The following NAV3 variants were observed in gnomAD, a reference collection of about 807,000 sequenced individuals.
The protein encoded by NAV3 is pore membrane and/or filament interacting like protein 1.
A neutral mutation model predicts 244.7 loss-of-function variants in NAV3; 87 were observed. The ratio of observed to expected loss-of-function variants is 0.36; its 90% CI spans 0.30 to 0.42. The LOEUF (loss-of-function observed/expected upper bound fraction) is 0.42. Among genes scored for constraint, NAV3 ranks in the 20% least tolerant of loss-of-function variants. The pLI, the probability that NAV3 is intolerant of heterozygous loss-of-function variation, is 1.00. For missense variants in NAV3, 2,663 were observed against 2,893.3 expected (o/e 0.92, Z 1.83); for synonymous variants, 1,126 against 1,042.2 (o/e 1.08, Z -1.55).
At chr12:77,941,200 A>G in intron 3 of NAV3, 67 bp downstream of exon 3, 1 of 992,404 alleles carries the variant, frequency 1.0e-6, no homozygotes, top group South Asian at 1.5e-5. Flanking sequence ...TGCATTTGTA[A>G]ATGGATATTA....
intron 2 of NAV3, among the ~76,000 whole-genome samples, chr12:77,749,613 C>CT: frequency 6.6e-6 from 1 of 151,932 alleles, no homozygotes; most frequent in East Asian, 1.9e-4. Context: ...TTCAGCTAGG[C>CT]TTTTTTTAAT....
intron 2 of NAV3, among the ~76,000 whole-genome samples, chr12:77,657,521 C>T (rs1873179902): frequency 6.6e-6 from 1 of 152,128 alleles, no homozygotes; most frequent in Non-Finnish European, 1.5e-5. Flanking sequence ...CGAATTCTAC[C>T]AGAGGTACAA....
intron 16 of NAV3, 139 bp from the exon 17 acceptor site, chr12:78,127,028 G>T: frequency 1.5e-6 from 1 of 657,034 alleles, no homozygotes; most frequent in Non-Finnish European, 2.6e-6. Context: ...CCTTTAGTTG[G>T]CCTTTTTCAA....
At chr12:77,772,261 A>G (rs1278443482) in intron 2 of NAV3, among the ~76,000 whole-genome samples, 2 of 152,162 alleles carry the variant, frequency 1.3e-5, no homozygotes, top group East Asian at 3.9e-4. Context: ...CATATCAAGA[A>G]CTTTGCATGC....
At chr12:77,749,302 C>T (rs1002515050) in intron 2 of NAV3, among the ~76,000 whole-genome samples, 9 of 152,116 alleles carry the variant, frequency 5.9e-5, no homozygotes, top group Admixed American at 3.3e-4. Flanking sequence ...GATTCTGTTA[C>T]GTTGAGATAT....
chr12:77,642,138 A>G (rs1872442182), intron 2 of NAV3, among the ~76,000 whole-genome samples: 1 of 152,092 alleles, frequency 6.6e-6, no homozygotes, highest in South Asian at 2.1e-4. Context: ...AGATTGGTCA[A>G]CAGTACCTGA....
At chr12:77,928,279 A>G (rs766393117) in intron 1 of NAV3, among the ~76,000 whole-genome samples, 1 of 151,428 alleles carries the variant, frequency 6.6e-6, no homozygotes, top group Non-Finnish European at 1.5e-5. Flanking sequence ...CTCAGTTTCC[A>G]AAGTATTCAG....
chr12:77,755,150 A>G lies in NAV3; in HGVS notation c.72+182884A>G, dbSNP rs1205558090. On this transcript the variant is annotated intron_variant, in intron 2 of 8. Transcript: ENST00000550042. ...TGAATCTCACCATCTTCATATTTCT[A>G]GTCTTTTCATTTGTTCCTGAAACCA... Among the ~76,000 whole-genome samples the G allele has an allele frequency of 4.6e-5, 7 of 152,186 alleles. No homozygotes were observed. In the East Asian group the frequency reaches 1.2e-3, roughly 25 times the overall value.
At chr12:77,648,459 A>G (rs1872693679) in intron 2 of NAV3, among the ~76,000 whole-genome samples, 1 of 152,122 alleles carries the variant, frequency 6.6e-6, no homozygotes. Context: ...ATATCTCTCA[A>G]ATTACAGAGT....
chr12:78,116,828 G>T lies in NAV3; in HGVS notation c.2693G>T (p.Ser898Ile), dbSNP rs1955404301. Residue 898 changes from serine (S) to isoleucine (I), a missense_variant, in exon 13 of 40, where the codon AGC becomes ATC. Transcript: ENST00000397909. ...SGLSDTLDNISTDDLNTTSSV... is the reference protein window; with the variant it reads ...SGLSDTLDNIITDDLNTTSSV... Reference sequence around the variant, plus strand: ...CTCAGTGACACCCTTGATAACATCAGCACTGATGACCTGAACACCACATCC... The same window carrying T: ...CTCAGTGACACCCTTGATAACATCATCACTGATGACCTGAACACCACATCC... 2 of 1,612,376 alleles carry T rather than the reference G, an allele frequency of 1.2e-6. No homozygotes were observed. Among genetic ancestry groups the T allele is most frequent in the Non-Finnish European group, 1.7e-6 (2 of 1,178,924 alleles).
intron 2 of NAV3, among the ~76,000 whole-genome samples, chr12:77,645,627 G>A (rs1414258202): frequency 6.8e-6 from 1 of 146,988 alleles, no homozygotes; most frequent in Non-Finnish European, 1.5e-5. Flanking sequence ...ATCCCATTAT[G>A]TTCTAAACCT....
intron 2 of NAV3, among the ~76,000 whole-genome samples, chr12:77,650,174 G>T (rs551162794): frequency 6.6e-6 from 1 of 152,240 alleles, no homozygotes; most frequent in African/African-American, 2.4e-5. Flanking sequence ...CAGTCAGTTG[G>T]ATTCCCATGA....
At chr12:77,891,093 T>C (rs1293694964) in intron 1 of NAV3, among the ~76,000 whole-genome samples, 1 of 151,960 alleles carries the variant, frequency 6.6e-6, no homozygotes, top group African/African-American at 2.4e-5. Context: ...TATTAGAAGT[T>C]TTTCTTGGTA....
intron 12 of NAV3, among the ~76,000 whole-genome samples, chr12:78,073,888 A>G (rs1481238249): frequency 6.6e-6 from 1 of 152,222 alleles, no homozygotes. Context: ...ATAAATTTCA[A>G]TTTAATACTA....
chr12:77,620,138 A>G (rs541801234), intron 2 of NAV3, among the ~76,000 whole-genome samples: 10 of 152,162 alleles, frequency 6.6e-5, no homozygotes, highest in Non-Finnish European at 1.0e-4. Context: ...TACTTCTGAG[A>G]TTCAGCTTTT....
rs371402019 is a variant in NAV3, at chr12:78,000,766, G to A, written c.880+2290G>A. On this transcript the variant is annotated intron_variant, in intron 7 of 39. Transcript: ENST00000397909. ...GATCCGCCCGCCTCGGCCTCCCAAAGTGCTGGGATTACAGGCGTGAGCCAC... is the reference window on the plus strand; with the variant it reads ...GATCCGCCCGCCTCGGCCTCCCAAAATGCTGGGATTACAGGCGTGAGCCAC... 6.7e-5 allele frequency among the ~76,000 whole-genome samples: 10 copies of A among 150,046 alleles called. No individual in the cohort carries two copies. The East Asian group carries it at 8.0e-4, about 12-fold the overall frequency.
chr12:77,918,457 G>A (rs1198812557), intron 1 of NAV3, among the ~76,000 whole-genome samples: 11 of 152,038 alleles, frequency 7.2e-5, no homozygotes, highest in Non-Finnish European at 1.6e-4. Context: ...CATAGTTATT[G>A]GAAAATGTAT....
At chr12:77,884,951 T>C (rs2136660687) in intron 1 of NAV3, among the ~76,000 whole-genome samples, 1 of 152,220 alleles carries the variant, frequency 6.6e-6, no homozygotes, top group Non-Finnish European at 1.5e-5. Flanking sequence ...ATTATGAAAA[T>C]ATGTCTTAGA....
intron 22 of NAV3, among the ~76,000 whole-genome samples, chr12:78,153,446 A>T (rs578102992): frequency 3.9e-5 from 6 of 152,186 alleles, no homozygotes; most frequent in Admixed American, 6.6e-5. Flanking sequence ...GGCGTTTCTG[A>T]TCAATAACTC....
Sources: allele counts gnomAD v4.1 joint callset (sites outside exome capture counted in the v4.1 genomes callset), GRCh38; gene constraint gnomAD v4.1.1; transcripts MANE v1.5; gene names NCBI Gene and HGNC (gene_info 2026-07-23, HGNC 2026-07-21).